The following CLCN7 variants were observed in gnomAD, a reference collection of about 807,000 sequenced individuals.
CLCN7 encodes the protein H(+)/Cl(-) exchange transporter 7.
A neutral mutation model predicts 102.1 loss-of-function variants in CLCN7; 60 were observed. That is an observed-to-expected ratio of 0.59 (90% CI 0.48 to 0.73). The LOEUF (loss-of-function observed/expected upper bound fraction) is 0.73. Ranked by LOEUF, CLCN7 falls within the 30% of genes least tolerant of loss-of-function variation. CLCN7 has a pLI of 0.00. For synonymous variants in CLCN7, 560 were observed against 490.5 expected, an observed-to-expected ratio of 1.14 and a Z score of -1.87; for missense variants, 962 against 1,125.7, an observed-to-expected ratio of 0.85 and a Z score of 2.08.
At chr16:1,451,505 T>C (rs894201042) in intron 16 of CLCN7, 118 bp downstream of exon 16, 33 of 777,824 alleles carry the variant, frequency 4.2e-5, no homozygotes, top group Non-Finnish European at 6.7e-5. Flanking sequence ...CTATGATCCA[T>C]GCTAGGGATG....
At chr16:1,469,940 G>A (rs36094343) in intron 1 of CLCN7, among the ~76,000 whole-genome samples, 24,493 of 152,216 alleles carry the variant, frequency 0.16, 2,467 homozygotes, top group African/African-American at 0.27. Context: ...ACTGTGCCCC[G>A]TGAAATAAGC....
rs202148733 is a variant in CLCN7 at position 1,448,452 on chromosome 16, C to T, written c.1916G>A (p.Arg639Lys). ...AATGACGCCGACCTTCTCACGCCGC[C>T]TCAGGCAGGTCACTGGTGTGCTCAT... ...EVMSTPVTCLRRREKVGVIVD... is the reference protein window; with the variant it reads ...EVMSTPVTCLKRREKVGVIVD... The change falls in exon 21 of 25, where the codon AGG becomes AAG. Residue 639 changes from arginine (R) to lysine (K), a missense_variant. Transcript: ENST00000382745. 6.2e-7 allele frequency: 1 copy of T among 1,611,652 alleles called. No homozygotes were observed. The highest frequency in any genetic ancestry group is 2.2e-5 in the East Asian group (1 of 44,876).
chr16:1,449,206 G>A (rs1276797842), intron 18 of CLCN7, 70 bp downstream of exon 18: 12 of 1,570,622 alleles, frequency 7.6e-6, no homozygotes, highest in East Asian at 7.1e-5. Flanking sequence ...CCCTAGCCCC[G>A]CAAGGACAGC....
In CLCN7 at chr16:1,447,587, T is replaced by C; in HGVS notation, c.2074-19A>G. ...CAAACACCTGCGGGCGGCAGAGCCC[T>C]GTGTCAGGCACCCAGGCAGCACCCC... On this transcript the variant is annotated intron_variant, in intron 22 of 24. Coordinates refer to ENST00000382745, the MANE Select transcript of CLCN7 (RefSeq NM_001287.6). 1 of 1,553,018 alleles carries C rather than the reference T, an allele frequency of 6.4e-7. No individual in the cohort carries two copies. Among genetic ancestry groups the C allele is most frequent in the Non-Finnish European group, 8.7e-7 (1 of 1,148,470 alleles).
intron 10 of CLCN7, 32 bp from the exon 11 acceptor site, chr16:1,455,827 C>G: frequency 6.2e-7 from 1 of 1,609,402 alleles, no homozygotes; most frequent in Non-Finnish European, 8.5e-7. Flanking sequence ...CGGGTGCCAG[C>G]TGGACACAGG....
chr16:1,459,255 A>C, intron 6 of CLCN7, 68 bp from the exon 7 acceptor site: 1 of 1,141,404 alleles, frequency 8.8e-7, no homozygotes, highest in East Asian at 2.9e-5. Flanking sequence ...CCTCAGCCCC[A>C]GGAGCCCCAG....
chr16:1,447,803 C>T (rs1187131857), intron 21 of CLCN7, 89 bp from the exon 22 acceptor site: 10 of 1,419,474 alleles, frequency 7.0e-6, no homozygotes, highest in Middle Eastern at 2.2e-4. Flanking sequence ...TGACCCTGTT[C>T]CGGCCAGATT....
In CLCN7 at chr16:1,457,151, G is replaced by C; in HGVS notation, c.822+103C>G. The C allele has an allele frequency of 9.1e-7, 1 of 1,100,744 alleles. No homozygotes were observed. The highest frequency in any genetic ancestry group is 1.7e-5 in the Admixed American group (1 of 57,476). 68.2% of individuals were successfully genotyped at this position (1,100,744 alleles called of 1,614,324 possible). On this transcript the variant is annotated intron_variant, in intron 9 of 24. Coordinates refer to ENST00000382745, the MANE Select transcript of CLCN7 (RefSeq NM_001287.6). The surrounding 1 kb of genome is among the most constrained non-coding windows in gnomAD (Gnocchi z 5.4). ...GCCAGGCTGTCCTCAGATGGGGCTG[G>C]GGCTCTCGGCCTGGGGGTGCTGAGG...
Position 1,450,624 on chromosome 16 carries a change from T to A in CLCN7, c.1490A>T (p.Tyr497Phe), listed in dbSNP as rs1161547013. ...PLTLGLFTLV[Y>F]FFLACWTYGL... ...GTAGGTCCAGCAGGCCAGGAAGAAG[T>A]AGACCAGCGTGAACAGGCCGAGGGT... The change falls in exon 17 of 25, where the codon TAC becomes TTC. Residue 497 changes from tyrosine (Y) to phenylalanine (F), a missense_variant. Tyr to Phe is a conservative substitution (Grantham distance 22). Around this residue, in one of 2 missense-constraint regions of CLCN7, gnomAD observed 799 missense variants for 988.0 expected, o/e 0.81. Coordinates refer to ENST00000382745, the MANE Select transcript of CLCN7 (RefSeq NM_001287.6). 1 of 1,612,438 alleles carries A rather than the reference T, an allele frequency of 6.2e-7. No individual in the cohort carries two copies. The highest frequency in any genetic ancestry group is 8.5e-7 in the Non-Finnish European group (1 of 1,179,718).
intron 15 of CLCN7, 198 bp from the exon 16 acceptor site, chr16:1,451,914 G>A (rs927966942): frequency 1.3e-5 from 8 of 600,310 alleles, no homozygotes; most frequent in African/African-American, 7.3e-5. Context: ...CCATGGTCAC[G>A]GAGGGAAAGG....
At chr16:1,470,193 T>C (rs937883688) in intron 1 of CLCN7, among the ~76,000 whole-genome samples, 4 of 152,218 alleles carry the variant, frequency 2.6e-5, no homozygotes. Context: ...AACAAGGTCT[T>C]GCTATGTTGC....
At chr16:1,448,312 AG>A in intron 21 of CLCN7, 42 bp downstream of exon 21, 1 of 1,609,438 alleles carries the variant, frequency 6.2e-7, no homozygotes. Flanking sequence ...TGGACTCGAC[AG>A]AGGTCACATA....
chr16:1,452,754 C>T lies in CLCN7; in HGVS notation c.1353+1G>A, dbSNP rs2142374547. On this transcript the variant is annotated splice_donor_variant, in intron 15 of 24. Coordinates refer to ENST00000382745, the MANE Select transcript of CLCN7 (RefSeq NM_001287.6). LOFTEE classifies it high-confidence loss of function. ...GACCCCGCCCGGGCCCAGCCTCCCACCTGCAGCGGGTAGGACATGGAGCCC... is the reference window on the plus strand; with the variant it reads ...GACCCCGCCCGGGCCCAGCCTCCCATCTGCAGCGGGTAGGACATGGAGCCC... 7 of 1,594,590 alleles carry T rather than the reference C, an allele frequency of 4.4e-6. No homozygotes were observed. Among genetic ancestry groups the T allele is most frequent in the Non-Finnish European group, 6.0e-6 (7 of 1,171,046 alleles).
At position 1,446,642 on chromosome 16, in the gene CLCN7, C is replaced by G. The variant is rs917059058; in HGVS notation, c.2407G>C (p.Ala803Pro). 2 of 1,567,440 alleles carry G rather than the reference C, an allele frequency of 1.3e-6. No homozygotes were observed. The highest frequency in any genetic ancestry group is 2.4e-5 in the East Asian group (1 of 41,834). The change falls in exon 25 of 25, where the codon GCC (alanine) becomes CCC (proline). Residue 803 changes from alanine to proline, a missense_variant. By Grantham distance (27) the Ala-to-Pro change is conservative. Coordinates refer to ENST00000382745, the MANE Select transcript of CLCN7 (RefSeq NM_001287.6). Reference protein sequence around the residue: ...GKRGLEELSLAQT With the variant: ...GKRGLEELSLPQT ...GGCAGGGCTGGGCCTCACGTCTGGG[C>G]CAGCGAGAGCTCCTCCAAGCCTCTC...
chr16:1,463,025 C>T (rs529376027), intron 2 of CLCN7, among the ~76,000 whole-genome samples: 259 of 152,076 alleles, frequency 1.7e-3, no homozygotes, highest in Admixed American at 2.5e-3. Flanking sequence ...TGGTGACATG[C>T]GCCTGAGTCC....
At chr16:1,469,506 C>T (rs1050153341) in intron 1 of CLCN7, among the ~76,000 whole-genome samples, 12 of 151,402 alleles carry the variant, frequency 7.9e-5, no homozygotes, top group African/African-American at 2.2e-4. Context: ...ACCAATGTGG[C>T]GAAACCCCAA....
At chr16:1,449,399 G>C (rs1375740748) in intron 17 of CLCN7, 72 bp from the exon 18 acceptor site, 1 of 1,465,820 alleles carries the variant, frequency 6.8e-7, no homozygotes, top group Non-Finnish European at 9.4e-7. Flanking sequence ...ACAGACGGAG[G>C]AGGCCCTGCC....
intron 2 of CLCN7, among the ~76,000 whole-genome samples, chr16:1,465,020 G>A (rs965825391): frequency 2.6e-5 from 4 of 151,886 alleles, no homozygotes; most frequent in African/African-American, 7.2e-5. Context: ...CAGCCCCCTC[G>A]CTGCCCATGC....
rs562449294 is a variant in CLCN7 at position 1,464,304 on chromosome 16, G to C, written c.213+963C>G. Among the ~76,000 whole-genome samples, 8 of 152,344 alleles carry C rather than the reference G, an allele frequency of 5.3e-5. No individual in the cohort carries two copies. The East Asian group carries it at 7.7e-4, about 15-fold the overall frequency. On this transcript the variant is annotated intron_variant, in intron 2 of 24. Transcript: ENST00000382745. ...CCCGCTCCAGGGTTGAGACAGGAGAGGACTGATTGCTGAATCTCACGTGCT... is the reference window on the plus strand; with the variant it reads ...CCCGCTCCAGGGTTGAGACAGGAGACGACTGATTGCTGAATCTCACGTGCT...
Sources: gnomAD v4.1 joint callset for allele counts (sites outside exome capture counted in the v4.1 genomes callset) on GRCh38, gnomAD v4.1.1 for gene constraint, gnomAD v4.1.1 regional missense constraint, Gnocchi (gnomAD v3.1) non-coding constraint, MANE v1.5 for transcripts, NCBI Gene and HGNC (gene_info 2026-07-23, HGNC 2026-07-21) for gene names.